The following MYO1D variants were observed in gnomAD, a reference collection of about 807,000 sequenced individuals.
MYO1D encodes the protein unconventional myosin-Id.
A neutral mutation model predicts 122.0 loss-of-function variants in MYO1D; 83 were observed. That is an observed-to-expected ratio of 0.68 (90% CI 0.57 to 0.82). The LOEUF (loss-of-function observed/expected upper bound fraction) is 0.82. Ranked by LOEUF, MYO1D falls within the 40% of genes least tolerant of loss-of-function variation. MYO1D has a pLI of 0.00. For synonymous variants in MYO1D, 464 were observed against 446.9 expected, an observed-to-expected ratio of 1.04 and a Z score of -0.48; for missense variants, 1,157 against 1,269.5, an observed-to-expected ratio of 0.91 and a Z score of 1.35.
chr17:32,605,897 A>G (rs1319192833), intron 20 of MYO1D, among the ~76,000 whole-genome samples: 1 of 152,026 alleles, frequency 6.6e-6, no homozygotes, highest in South Asian at 2.1e-4. Flanking sequence ...CCTTGGCAAC[A>G]TGGTGAAACC....
At chr17:32,593,778 G>C (rs2150906628) in intron 21 of MYO1D, among the ~76,000 whole-genome samples, 1 of 152,176 alleles carries the variant, frequency 6.6e-6, no homozygotes, top group African/African-American at 2.4e-5. Flanking sequence ...TCTACTAAAA[G>C]CACAAAAAAT....
At chr17:32,677,829 G>A (rs763464131) in intron 16 of MYO1D, among the ~76,000 whole-genome samples, 1 of 152,006 alleles carries the variant, frequency 6.6e-6, no homozygotes, top group African/African-American at 2.4e-5. Context: ...ATTTCTGTAT[G>A]TGAACCATGG....
intron 1 of MYO1D, among the ~76,000 whole-genome samples, chr17:32,873,798 A>G (rs1432682684): frequency 6.6e-6 from 1 of 152,226 alleles, no homozygotes; most frequent in Non-Finnish European, 1.5e-5. Flanking sequence ...CATCAAGGAC[A>G]CACAGATGAG....
At chr17:32,521,155 T>C (rs570731480) in intron 21 of MYO1D, among the ~76,000 whole-genome samples, 54 of 152,336 alleles carry the variant, frequency 3.5e-4, no homozygotes, top group African/African-American at 1.3e-3. Flanking sequence ...TAAAATCTTC[T>C]GGCCAGCAGG....
chr17:32,576,556 C>A (rs958312366), intron 21 of MYO1D, among the ~76,000 whole-genome samples: 2 of 152,118 alleles, frequency 1.3e-5, no homozygotes, highest in African/African-American at 2.4e-5. Flanking sequence ...AGTCCATGTG[C>A]CTAAGAAATG....
At chr17:32,738,474 G>T in intron 13 of MYO1D, 89 bp from the exon 14 acceptor site, 2 of 1,316,862 alleles carry the variant, frequency 1.5e-6, no homozygotes, top group Non-Finnish European at 2.0e-6. Context: ...TGTATCCTGA[G>T]AATCATAATT....
intron 3 of MYO1D, among the ~76,000 whole-genome samples, chr17:32,777,664 G>A (rs147788197): frequency 6.6e-5 from 10 of 152,184 alleles, no homozygotes; most frequent in African/African-American, 1.2e-4. Context: ...AATCCTGTTC[G>A]GCCGGGCGCG....
intron 21 of MYO1D, among the ~76,000 whole-genome samples, chr17:32,506,116 A>G (rs1909494053): frequency 6.6e-6 from 1 of 152,274 alleles, no homozygotes; most frequent in African/African-American, 2.4e-5. Flanking sequence ...GAGCTGGCCT[A>G]TCTTGGCTGT....
chr17:32,602,777 C>T (rs966112626), intron 21 of MYO1D: 3 of 152,094 alleles, frequency 2.0e-5, no homozygotes, highest in East Asian at 1.9e-4. Context: ...AATTCCCTCC[C>T]GAACCTTTGG....
chr17:32,520,144 T>C (rs1012797485), intron 21 of MYO1D, among the ~76,000 whole-genome samples: 1 of 152,084 alleles, frequency 6.6e-6, no homozygotes, highest in African/African-American at 2.4e-5. Flanking sequence ...CATGGTATCA[T>C]CTCTTAAACT....
At chr17:32,618,879 C>T (rs1308293836) in intron 20 of MYO1D, among the ~76,000 whole-genome samples, 5 of 152,096 alleles carry the variant, frequency 3.3e-5, no homozygotes, top group Non-Finnish European at 7.4e-5. Context: ...AAGTGGTTCA[C>T]CTGCTTCGGC....
At chr17:32,743,563 T>G (rs543086372) in intron 13 of MYO1D, among the ~76,000 whole-genome samples, 1 of 152,010 alleles carries the variant, frequency 6.6e-6, no homozygotes, top group East Asian at 1.9e-4. Context: ...CTTTTCATTA[T>G]CTCCATCACT....
At chr17:32,807,293 T>C (rs991247549) in intron 1 of MYO1D, among the ~76,000 whole-genome samples, 1 of 152,150 alleles carries the variant, frequency 6.6e-6, no homozygotes, top group Admixed American at 6.5e-5. Context: ...TTAGTTCCAC[T>C]CTCTAGAGGT....
intron 21 of MYO1D, chr17:32,495,989 G>A (rs9889771): frequency 0.21 from 31,752 of 152,290 alleles, 3,624 homozygotes; most frequent in Middle Eastern, 0.32. Flanking sequence ...GGCAGTGAAC[G>A]CCAAGCTGTC....
chr17:32,501,719 T>C (rs1469587457), intron 21 of MYO1D, among the ~76,000 whole-genome samples: 1 of 152,246 alleles, frequency 6.6e-6, no homozygotes, highest in Non-Finnish European at 1.5e-5. Context: ...CTTGGGACCC[T>C]TCCACACCTT....
At chr17:32,559,599 C>A (rs2087099652) in intron 21 of MYO1D, among the ~76,000 whole-genome samples, 1 of 152,212 alleles carries the variant, frequency 6.6e-6, no homozygotes. Context: ...CATGTGGCAG[C>A]CCCAGAGTTG....
intron 11 of MYO1D, among the ~76,000 whole-genome samples, chr17:32,754,816 T>C (rs1364045086): frequency 6.6e-6 from 1 of 152,318 alleles, no homozygotes; most frequent in East Asian, 1.9e-4. Flanking sequence ...CAAATATTAA[T>C]AGCAAACATA....
chr17:32,740,365 G>A (rs1265321957), intron 13 of MYO1D, among the ~76,000 whole-genome samples: 1 of 152,104 alleles, frequency 6.6e-6, no homozygotes, highest in African/African-American at 2.4e-5. Flanking sequence ...TGTAAAGGTT[G>A]GAAATGAAGG....
intron 1 of MYO1D, among the ~76,000 whole-genome samples, chr17:32,812,507 G>C (rs189055061): frequency 5.3e-4 from 80 of 152,332 alleles, no homozygotes; most frequent in Non-Finnish European, 8.2e-4. Flanking sequence ...TCTGACAGCA[G>C]AGTAAATGCT....
Sources: allele counts gnomAD v4.1 joint callset (sites outside exome capture counted in the v4.1 genomes callset), GRCh38; gene constraint gnomAD v4.1.1; transcripts MANE v1.5; gene names NCBI Gene and HGNC (gene_info 2026-07-23, HGNC 2026-07-21).